Variants in ADGRG2 observed in about 807,000 individuals in gnomAD.
ADGRG2 encodes the protein adhesion G protein-coupled receptor G2, also known as G protein-coupled receptor 64.
Under a neutral mutation model 74.1 loss-of-function variants are expected in ADGRG2, and 26 were observed. That is an observed-to-expected ratio of 0.35 (90% CI 0.26 to 0.49). The LOEUF is 0.49. Ranked by LOEUF, ADGRG2 falls within the 20% of genes least tolerant of loss-of-function variation. The probability of loss-of-function intolerance (pLI) is 0.99; values close to 1 mark genes in which losing one functional copy is unlikely to be tolerated. For synonymous variants in ADGRG2, 296 were observed against 295.2 expected (o/e 1.00, Z -0.03); for missense variants, 619 against 763.1 (o/e 0.81, Z 2.22).
chrX:19,016,358 T>G (rs928240748), intron 15 of ADGRG2, among the ~76,000 whole-genome samples: 1 of 110,065 alleles, frequency 9.1e-6, no homozygotes, highest in Non-Finnish European at 1.9e-5. Context: ...AACCAACATA[T>G]TAGAAAGACC....
At chrX:19,085,067 C>T (rs370162567) in intron 1 of ADGRG2, among the ~76,000 whole-genome samples, 132 of 111,675 alleles carry the variant, frequency 1.2e-3, no homozygotes, top group Non-Finnish European at 2.2e-3. Flanking sequence ...AAATACTGAC[C>T]CATAGATACA....
intron 1 of ADGRG2, among the ~76,000 whole-genome samples, chrX:19,104,064 G>C (rs1008584499): frequency 6.3e-5 from 7 of 111,504 alleles, no homozygotes; most frequent in African/African-American, 2.3e-4. Flanking sequence ...AGAAAGCTGA[G>C]GACATGGCTA....
chrX:19,023,158 A>G (rs2059315350), intron 13 of ADGRG2, among the ~76,000 whole-genome samples: 1 of 111,547 alleles, frequency 9.0e-6, no homozygotes, highest in Non-Finnish European at 1.9e-5. Flanking sequence ...AAGGACACTG[A>G]TGACCCTTAG....
intron 1 of ADGRG2, among the ~76,000 whole-genome samples, chrX:19,109,402 A>G (rs2062373447): frequency 8.9e-6 from 1 of 111,973 alleles, no homozygotes; most frequent in South Asian, 3.7e-4. Context: ...TTTAAAATCC[A>G]CTACAAGAGC....
intron 1 of ADGRG2, among the ~76,000 whole-genome samples, chrX:19,086,307 G>A (rs2061935392): frequency 9.0e-6 from 1 of 111,021 alleles, no homozygotes; most frequent in Non-Finnish European, 1.9e-5. Context: ...GACATGGCAC[G>A]GAACAGAGAA....
At chrX:19,005,001 A>T (rs182078247) in intron 22 of ADGRG2, 122 bp from the exon 23 acceptor site, 160 of 459,856 alleles carry the variant, frequency 3.5e-4, no homozygotes, top group Middle Eastern at 3.3e-3. Context: ...AGGTAGGCAC[A>T]ATTATTACTA....
intron 20 of ADGRG2, among the ~76,000 whole-genome samples, chrX:19,006,722 G>T (rs1404135578): frequency 4.7e-5 from 5 of 105,281 alleles, no homozygotes; most frequent in African/African-American, 1.8e-4. Context: ...GCTTGCTTTT[G>T]CACCAATTCT....
At chrX:19,033,903 C>G (rs1169016905) in intron 7 of ADGRG2, 1 of 226,889 alleles carries the variant, frequency 4.4e-6, no homozygotes, top group Non-Finnish European at 7.8e-6. Context: ...ATTACACACC[C>G]CACTGCCTGT....
chrX:19,104,624 G>A (rs1176515879), intron 1 of ADGRG2, among the ~76,000 whole-genome samples: 2 of 111,630 alleles, frequency 1.8e-5, no homozygotes, highest in African/African-American at 6.5e-5. Context: ...CCTTCAGAAG[G>A]TAACTCTGCT....
At chrX:19,080,523 C>A (rs2146955036) in intron 2 of ADGRG2, among the ~76,000 whole-genome samples, 1 of 111,439 alleles carries the variant, frequency 9.0e-6, no homozygotes, top group East Asian at 2.8e-4. Flanking sequence ...AGTTTAAATT[C>A]TTCATCTGAA....
At chrX:19,052,636 AT>A (rs769198467) in intron 3 of ADGRG2, among the ~76,000 whole-genome samples, 2 of 109,196 alleles carry the variant, frequency 1.8e-5, no homozygotes, top group Non-Finnish European at 3.8e-5. Flanking sequence ...ATAAACACAT[AT>A]ATACGTTTAT....
chrX:19,112,438 C>A (rs1412624541), intron 1 of ADGRG2, among the ~76,000 whole-genome samples: 1 of 110,196 alleles, frequency 9.1e-6, no homozygotes, highest in African/African-American at 3.3e-5. Flanking sequence ...AAAGAAAAAC[C>A]AATAACTACA....
intron 3 of ADGRG2, among the ~76,000 whole-genome samples, chrX:19,053,401 C>T (rs983965856): frequency 1.8e-5 from 2 of 110,791 alleles, no homozygotes; most frequent in African/African-American, 6.6e-5. Context: ...AAACAGGAAT[C>T]GGCCTGCCAG....
intron 23 of ADGRG2, among the ~76,000 whole-genome samples, chrX:19,003,654 T>C (rs910241843): frequency 1.8e-5 from 2 of 111,731 alleles, no homozygotes; most frequent in African/African-American, 3.3e-5. Flanking sequence ...AGAATTTGTG[T>C]CTGTATTTCT....
chrX:19,081,848 G>T (rs2061850718), intron 2 of ADGRG2, among the ~76,000 whole-genome samples: 1 of 110,461 alleles, frequency 9.1e-6, no homozygotes, highest in South Asian at 3.8e-4. Flanking sequence ...GCTGAAGCAG[G>T]AGGATGGATT....
intron 1 of ADGRG2, among the ~76,000 whole-genome samples, chrX:19,119,863 A>G (rs765888056): frequency 8.9e-6 from 1 of 111,782 alleles, no homozygotes; most frequent in East Asian, 2.8e-4. Context: ...AAACCCGCCA[A>G]TGAAATGCCA....
intron 2 of ADGRG2, among the ~76,000 whole-genome samples, chrX:19,074,834 G>A (rs2061719383): frequency 9.1e-6 from 1 of 109,807 alleles, no homozygotes; most frequent in Non-Finnish European, 1.9e-5. Context: ...GCCTCCCAAA[G>A]TGCTGGGATT....
At chrX:19,064,619 T>A (rs763090984) in intron 3 of ADGRG2, among the ~76,000 whole-genome samples, 2 of 112,215 alleles carry the variant, frequency 1.8e-5, no homozygotes, top group African/African-American at 6.5e-5. Context: ...CAGAACAACA[T>A]TGATTCTCAC....
At chrX:19,055,306 G>A (rs985696326) in intron 3 of ADGRG2, among the ~76,000 whole-genome samples, 5 of 111,707 alleles carry the variant, frequency 4.5e-5, no homozygotes, top group African/African-American at 1.6e-4. Flanking sequence ...GCGCGTGCAC[G>A]CACCTTAGTG....
Sources: gnomAD v4.1 joint callset for allele counts (sites outside exome capture counted in the v4.1 genomes callset) on GRCh38, gnomAD v4.1.1 for gene constraint, MANE v1.5 for transcripts, NCBI Gene and HGNC (gene_info 2026-07-23, HGNC 2026-07-21) for gene names.